Variants in NSUN4 observed in about 807,000 individuals in gnomAD.
NSUN4 encodes the protein 5-cytosine rRNA methyltransferase NSUN4.
NSUN4 carries 31 observed loss-of-function variants against 43.8 expected under a neutral mutation model. That is an observed-to-expected ratio of 0.71 (90% CI 0.53 to 0.96). NSUN4 has a LOEUF of 0.96. Among genes scored for constraint, NSUN4 ranks in the 40% least tolerant of loss-of-function variants. The pLI is 0.00. For synonymous variants in NSUN4, 167 were observed against 184.1 expected, an observed-to-expected ratio of 0.91 and a Z score of 0.75; for missense variants, 439 against 475.6, an observed-to-expected ratio of 0.92 and a Z score of 0.72.
chr1:46,355,542 A>G (rs2148400977), intron 4 of NSUN4, among the ~76,000 whole-genome samples: 1 of 152,342 alleles, frequency 6.6e-6, no homozygotes, highest in South Asian at 2.1e-4. Context: ...ATTTGGCACA[A>G]TGTCTGGAAT....
chr1:46,368,258 C>T (rs72677596), downstream of NSUN4, among the ~76,000 whole-genome samples: 31,394 of 151,968 alleles, frequency 0.21, 3,981 homozygotes, highest in Non-Finnish European at 0.29. Flanking sequence ...GTTGTGTGAT[C>T]GCCGATCACA....
At chr1:46,375,828 T>C in the NSUN4 span, among the ~76,000 whole-genome samples, 2 of 151,052 alleles carry the variant, frequency 1.3e-5, no homozygotes, top group African/African-American at 4.9e-5. Context: ...AGTGCGTGGC[T>C]GGGCGCGGTG....
downstream of NSUN4, among the ~76,000 whole-genome samples, chr1:46,369,025 T>G (rs1486952790): frequency 2.0e-5 from 3 of 152,220 alleles, no homozygotes; most frequent in Non-Finnish European, 4.4e-5. Context: ...TCTTTGTCTA[T>G]CCATGCATAG....
intron 2 of NSUN4, among the ~76,000 whole-genome samples, chr1:46,346,702 T>C (rs72677585): frequency 0.22 from 34,069 of 151,902 alleles, 4,276 homozygotes; most frequent in Non-Finnish European, 0.29. Context: ...TCAGCCTGGG[T>C]AACAAAAGTG....
At chr1:46,342,755 G>A (rs756871887) in intron 1 of NSUN4, 7 of 376,504 alleles carry the variant, frequency 1.9e-5, no homozygotes, top group Non-Finnish European at 2.7e-5. Flanking sequence ...CCCCCCAACC[G>A]AAGTCCCCTA....
At position 46,360,788 on chromosome 1, in the gene NSUN4, G is replaced by A; in HGVS notation, c.838G>A (p.Glu280Lys). The A allele has an allele frequency of 6.2e-7, 1 of 1,614,036 alleles. No individual in the cohort carries two copies. The highest frequency in any genetic ancestry group is 1.3e-5 in the African/African-American group (1 of 75,058). The change falls in exon 5 of 6, where the codon GAG becomes AAG. Residue 280 changes from glutamate (E) to lysine (K), a missense_variant. Glu to Lys is a moderately conservative substitution (Grantham distance 56, BLOSUM62 1). Transcript: ENST00000474844. ...NNIFKRSRKK[E>K]RQILPVLQVQ... ...CATCTTTAAGCGGTCAAGGAAGAAGGAGCGACAGATATTGCCTGTGCTGCA... is the reference window on the plus strand; with the variant it reads ...CATCTTTAAGCGGTCAAGGAAGAAGAAGCGACAGATATTGCCTGTGCTGCA...
At position 46,352,901 on chromosome 1, in the gene NSUN4, G is replaced by C. The variant is rs377491016; in HGVS notation, c.626G>C (p.Arg209Pro). 1.1e-5 allele frequency: 18 copies of C among 1,613,986 alleles called. No homozygotes were observed. The highest frequency in any genetic ancestry group is 1.5e-5 in the Non-Finnish European group (18 of 1,180,006). Residue 209 changes from arginine to proline, a missense_variant, in exon 4 of 6, where the codon CGA becomes CCA. Transcript: ENST00000474844. ...GCTGCCAATGATCTCTCCCCGTCCC[G>C]AATAGCCAGACTACAGAAGATCCTT... is the stretch of plus-strand genomic sequence containing the variant. ...NLAANDLSPS[R>P]IARLQKILHS...
At chr1:46,367,582 G>C (rs1164952575), downstream of NSUN4, among the ~76,000 whole-genome samples, 3 of 152,080 alleles carry the variant, frequency 2.0e-5, no homozygotes, top group African/African-American at 7.2e-5. Flanking sequence ...AAGAATTCAA[G>C]GGCAAGCTAG....
the NSUN4 span, among the ~76,000 whole-genome samples, chr1:46,382,379 T>C: frequency 1.3e-5 from 2 of 152,202 alleles, no homozygotes; most frequent in Non-Finnish European, 2.9e-5. Flanking sequence ...TCTAAACTTT[T>C]ACGACCCATT....
chr1:46,345,062 T>A lies in NSUN4; in HGVS notation c.355T>A (p.Ser119Thr). Residue 119 changes from serine (S) to threonine (T), a missense_variant, in exon 2 of 6, where the codon TCC becomes ACC. Physicochemically the swap from Ser to Thr is moderately conservative, Grantham distance 58. Transcript: ENST00000474844. ...QSEGGQSAAP[S>T]PASWACSPNL... Reference sequence around the variant, plus strand: ...TGAGGGTGGCCAATCTGCAGCCCCATCCCCTGCCTCCTGGGCCTGCAGTCC... The same window carrying A: ...TGAGGGTGGCCAATCTGCAGCCCCAACCCCTGCCTCCTGGGCCTGCAGTCC... 1 of 1,614,096 alleles carries A rather than the reference T, an allele frequency of 6.2e-7. No individual in the cohort carries two copies. Among genetic ancestry groups the A allele is most frequent in the South Asian group, 1.1e-5 (1 of 91,080 alleles).
Position 46,344,909 on chromosome 1 carries a change from C to G in NSUN4, c.202C>G (p.Leu68Val). The G allele has an allele frequency of 6.2e-7, 1 of 1,614,194 alleles. No individual in the cohort carries two copies. The highest frequency in any genetic ancestry group is 8.5e-7 in the Non-Finnish European group (1 of 1,180,024). The change falls in exon 2 of 6, where the codon CTC (leucine) becomes GTC (valine). Residue 68 changes from leucine to valine, a missense_variant. Transcript: ENST00000474844. ...DLWPSIRVSL[L>V]SEQKYGALVN... The stretch of plus-strand genomic sequence containing the variant: ...TTGGCCATCAATCCGTGTCAGTCTC[C>G]TCTCAGAGCAGAAGTATGGTGCACT...
chr1:46,357,408 C>G (rs1272424212), intron 4 of NSUN4, among the ~76,000 whole-genome samples: 1 of 152,194 alleles, frequency 6.6e-6, no homozygotes, highest in East Asian at 1.9e-4. Flanking sequence ...GTCTCGAAAT[C>G]CTGGGCTAAA....
At chr1:46,347,163 C>A in intron 3 of NSUN4, 88 bp downstream of exon 3, 1 of 1,366,340 alleles carries the variant, frequency 7.3e-7, no homozygotes, top group Non-Finnish European at 9.9e-7. Flanking sequence ...TTCGGCCAGG[C>A]GCAGTGGCTC....
chr1:46,358,760 C>T (rs767713475), intron 4 of NSUN4, among the ~76,000 whole-genome samples: 14 of 152,030 alleles, frequency 9.2e-5, no homozygotes, highest in Non-Finnish European at 2.1e-4. Context: ...GGTCTCTGTC[C>T]TTGCTGTTTT....
the NSUN4 span, among the ~76,000 whole-genome samples, chr1:46,384,242 A>G: frequency 2.0e-5 from 3 of 152,220 alleles, no homozygotes; most frequent in Admixed American, 1.3e-4. Context: ...AGAAATTTAG[A>G]ACTCACATCT....
At position 46,362,644 on chromosome 1, in the gene NSUN4, A is replaced by G. The variant is rs1435876209; in HGVS notation, c.*798A>G. ...GATGTAGCAGTTGGGATTGTGGGAG[A>G]TTACTGGGCTTCCTCATCCTTTAGA... On this transcript the variant is annotated 3_prime_UTR_variant, in exon 6 of 6. Coordinates refer to ENST00000474844, the MANE Select transcript of NSUN4 (RefSeq NM_199044.4). 6.6e-6 allele frequency: 1 copy of G among 152,096 alleles called. No individual in the cohort carries two copies. The highest frequency in any genetic ancestry group is 1.9e-4 in the East Asian group (1 of 5,192). 9.4% of individuals were successfully genotyped at this position (152,096 alleles called of 1,614,324 possible).
At chr1:46,374,903 G>A in the NSUN4 span, among the ~76,000 whole-genome samples, 2 of 149,006 alleles carry the variant, frequency 1.3e-5, no homozygotes, top group Non-Finnish European at 3.0e-5. Flanking sequence ...AAAAAAAAAA[G>A]AATAGATTTG....
the NSUN4 span, among the ~76,000 whole-genome samples, chr1:46,374,678 CA>C: frequency 6.6e-6 from 1 of 151,916 alleles, no homozygotes; most frequent in Non-Finnish European, 1.5e-5. Flanking sequence ...TAGTTAATGA[CA>C]ATATTGTATT....
At chr1:46,353,854 T>G (rs1347846707) in intron 4 of NSUN4, among the ~76,000 whole-genome samples, 1 of 152,152 alleles carries the variant, frequency 6.6e-6, no homozygotes, top group South Asian at 2.1e-4. Flanking sequence ...GTTAAATCCT[T>G]TTTTAATTTT....
Sources: allele counts gnomAD v4.1 joint callset (sites outside exome capture counted in the v4.1 genomes callset), GRCh38; gene constraint gnomAD v4.1.1; transcripts MANE v1.5; gene names NCBI Gene and HGNC (gene_info 2026-07-23, HGNC 2026-07-21).